MACC1: variants seen among roughly 807,000 people sequenced by gnomAD.
MACC1 encodes the protein metastasis-associated in colon cancer protein 1.
MACC1 carries 79 observed loss-of-function variants against 70.7 expected under a neutral mutation model. The ratio of observed to expected loss-of-function variants is 1.12; its 90% CI spans 0.93 to 1.35. The LOEUF is 1.35. Ranked by LOEUF, MACC1 falls within the 40% of genes most tolerant of loss-of-function variation. MACC1 has a pLI of 0.00. For missense variants in MACC1, 1,106 were observed against 978.1 expected (o/e 1.13, Z -1.74); for synonymous variants, 361 against 347.2 (o/e 1.04, Z -0.44).
chr7:20,187,065 G>A (rs1434044439), intron 1 of MACC1, among the ~76,000 whole-genome samples: 1 of 152,092 alleles, frequency 6.6e-6, no homozygotes, highest in Non-Finnish European at 1.5e-5. Context: ...AATTTACAGT[G>A]GACTTATTGG....
intron 1 of MACC1, among the ~76,000 whole-genome samples, chr7:20,179,881 G>A (rs994542832): frequency 3.9e-5 from 6 of 152,266 alleles, no homozygotes; most frequent in African/African-American, 1.4e-4. Context: ...TGGTAGGTCT[G>A]TGAATTCAAT....
Position 20,158,143 on chromosome 7 carries a change from A to C in MACC1, c.2157+61T>G, listed in dbSNP as rs940832158. ...TCTCCTCTCACATGTTCAGTTATAA[A>C]TATTGTCAAGTTAATACAATTCTCG... On this transcript the variant is annotated intron_variant, in intron 5 of 6. Coordinates refer to ENST00000400331, the MANE Select transcript of MACC1 (RefSeq NM_182762.4). 9 of 1,506,454 alleles carry C rather than the reference A, an allele frequency of 6.0e-6. No individual in the cohort carries two copies. In the African/African-American group the frequency reaches 1.3e-4, roughly 21 times the overall value. 93.3% of individuals were successfully genotyped at this position (1,506,454 alleles called of 1,614,324 possible).
chr7:20,141,189 G>T, intron 6 of MACC1, 31 bp from the exon 7 acceptor site: 1 of 1,442,552 alleles, frequency 6.9e-7, no homozygotes, highest in Non-Finnish European at 9.4e-7. Flanking sequence ...TTGGAGTAGT[G>T]TGGAAGTAGA....
chr7:20,216,285 T>A (rs1160800824), intron 1 of MACC1, among the ~76,000 whole-genome samples: 2 of 152,186 alleles, frequency 1.3e-5, no homozygotes, highest in East Asian at 3.8e-4. Context: ...ATTGGAATTT[T>A]CACTACATGC....
At chr7:20,203,129 T>G (rs1243051803) in intron 1 of MACC1, among the ~76,000 whole-genome samples, 3 of 152,190 alleles carry the variant, frequency 2.0e-5, no homozygotes, top group Non-Finnish European at 4.4e-5. Flanking sequence ...CACTCTTAGA[T>G]TAAAATTAAA....
chr7:20,208,747 G>A (rs993732382), intron 1 of MACC1, among the ~76,000 whole-genome samples: 14 of 152,334 alleles, frequency 9.2e-5, no homozygotes, highest in Admixed American at 8.5e-4. Context: ...CCAAGACAAT[G>A]GGGAAAATGT....
chr7:20,154,119 G>A (rs1358473912), intron 6 of MACC1, 74 bp downstream of exon 6: 1 of 1,478,308 alleles, frequency 6.8e-7, no homozygotes, highest in Admixed American at 1.7e-5. Context: ...CGTGAATGTG[G>A]TATGGGTTTG....
rs1468985088 is a variant in MACC1 at position 20,140,713 on chromosome 7, CAGTT to C, written c.*229_*232del. The C allele has an allele frequency of 5.1e-6, 2 of 394,220 alleles. No homozygotes were observed. Among genetic ancestry groups the C allele is most frequent in the Non-Finnish European group, 8.9e-6 (2 of 224,150 alleles). 24.4% of individuals were successfully genotyped at this position (394,220 alleles called of 1,614,324 possible). A position where few individuals can be genotyped will look rare whatever the true frequency, so the allele number is the denominator to read the frequency against. On this transcript the variant is annotated 3_prime_UTR_variant, in exon 7 of 7. Transcript: ENST00000400331. ...TGAGGATAAAACCCATCTTGGTTAT[CAGTT>C]AGGCTGTGCTTTCATCAGGAAAAAA...
In MACC1 at chr7:20,140,848, CACACAGACACACAG is replaced by C. The variant is rs1562578212; in HGVS notation, c.*84_*97del. ...ACAGACACACACACACAGACACACA[CACACAGACACACAG>C]AGACACACACAGACACACACAGACA... On this transcript the variant is annotated 3_prime_UTR_variant, in exon 7 of 7. Transcript: ENST00000400331. 28 of 829,444 alleles carry C rather than the reference CACACAGACACACAG, an allele frequency of 3.4e-5. No homozygotes were observed. The African/African-American group carries it at 4.1e-4, about 12-fold the overall frequency. 51.4% of individuals were successfully genotyped at this position (829,444 alleles called of 1,614,324 possible).
At chr7:20,172,365 C>T (rs776008944) in intron 1 of MACC1, among the ~76,000 whole-genome samples, 4 of 152,046 alleles carry the variant, frequency 2.6e-5, no homozygotes, top group African/African-American at 4.8e-5. Flanking sequence ...TATATAAGTA[C>T]GTAGTCCAAC....
intron 3 of MACC1, among the ~76,000 whole-genome samples, chr7:20,163,511 C>T (rs1782166847): frequency 6.6e-6 from 1 of 152,082 alleles, no homozygotes; most frequent in Non-Finnish European, 1.5e-5. Flanking sequence ...TAGGATATTC[C>T]CCAGAATATC....
intron 1 of MACC1, among the ~76,000 whole-genome samples, chr7:20,204,209 T>C (rs1269993120): frequency 3.3e-5 from 5 of 152,072 alleles, no homozygotes; most frequent in Non-Finnish European, 7.4e-5. Flanking sequence ...GGCTGGAGTG[T>C]AGTGGCGTGA....
Position 20,159,795 on chromosome 7 carries a change from G to T in MACC1, c.566C>A (p.Ala189Asp). Residue 189 changes from alanine to aspartate, a missense_variant, in exon 5 of 7, where the codon GCC becomes GAC. Physicochemically the swap from Ala to Asp is moderately radical, Grantham distance 126. Transcript: ENST00000400331. ...TGTATTCAAATCAAGGCAGGAGCGG[G>T]CCAGCTGGCGTTGACTTAACCAAGC... ...KMAWLSQRQLARSCLDLNTIS... is the reference protein window; with the variant it reads ...KMAWLSQRQLDRSCLDLNTIS... 1 of 1,614,090 alleles carries T rather than the reference G, an allele frequency of 6.2e-7. No individual in the cohort carries two copies.
chr7:20,190,360 T>C (rs1390875357), intron 1 of MACC1, among the ~76,000 whole-genome samples: 2 of 152,230 alleles, frequency 1.3e-5, no homozygotes, highest in Admixed American at 6.5e-5. Flanking sequence ...TTTCAAGACA[T>C]TTGATCCTAA....
chr7:20,151,242 G>T (rs1359886375), intron 6 of MACC1, among the ~76,000 whole-genome samples: 1 of 152,086 alleles, frequency 6.6e-6, no homozygotes, highest in Non-Finnish European at 1.5e-5. Context: ...CCCAATTTAG[G>T]CCAGTGAATT....
rs1470237785 is a variant in MACC1 at position 20,135,747 on chromosome 7, T to C, written c.*5199A>G. ...CTGGAGCATGTTTGGCAGCGTGCTT[T>C]GAGAAGCTCCTAGTGAAACCAATGC... is the stretch of plus-strand genomic sequence containing the variant. On this transcript the variant is annotated 3_prime_UTR_variant, in exon 7 of 7. Transcript: ENST00000400331. 6.6e-6 allele frequency: 1 copy of C among 152,234 alleles called. No homozygotes were observed. Among genetic ancestry groups the C allele is most frequent in the Non-Finnish European group, 1.5e-5 (1 of 68,052 alleles). 9.4% of individuals were successfully genotyped at this position (152,234 alleles called of 1,614,324 possible).
Position 20,134,693 on chromosome 7 carries a change from G to A in MACC1, c.*6253C>T, listed in dbSNP as rs1781696918. 6.6e-6 allele frequency: 1 copy of A among 152,168 alleles called. No individual in the cohort carries two copies. The highest frequency in any genetic ancestry group is 1.5e-5 in the Non-Finnish European group (1 of 68,040). 9.4% of individuals were successfully genotyped at this position (152,168 alleles called of 1,614,324 possible). A position where few individuals can be genotyped will look rare whatever the true frequency, so the allele number is the denominator to read the frequency against. On this transcript the variant is annotated 3_prime_UTR_variant, in exon 7 of 7. Coordinates refer to ENST00000400331, the MANE Select transcript of MACC1 (RefSeq NM_182762.4). ...TGACTCACTCTATTTTCATGAACAA[G>A]TTAAATGCCCCAGTAAATTCCATGT...
At chr7:20,176,103 TGTAA>T (rs1197823912) in intron 1 of MACC1, among the ~76,000 whole-genome samples, 2 of 152,080 alleles carry the variant, frequency 1.3e-5, no homozygotes, top group Admixed American at 1.3e-4. Context: ...ATTTGTAAAC[TGTAA>T]AAAAATTACT....
At chr7:20,153,741 C>G (rs112157309) in intron 6 of MACC1, among the ~76,000 whole-genome samples, 18 of 152,270 alleles carry the variant, frequency 1.2e-4, no homozygotes, top group African/African-American at 4.1e-4. Context: ...GGCTCTACAT[C>G]CACTTTCTTA....
Sources: allele counts gnomAD v4.1 joint callset (sites outside exome capture counted in the v4.1 genomes callset), GRCh38; gene constraint gnomAD v4.1.1; transcripts MANE v1.5; gene names NCBI Gene and HGNC (gene_info 2026-07-23, HGNC 2026-07-21).